Variants in APBA2 observed in about 807,000 individuals in gnomAD.
APBA2 encodes amyloid-beta A4 precursor protein-binding family A member 2.
A neutral mutation model predicts 75.0 loss-of-function variants in APBA2; 30 were observed. That is an observed-to-expected ratio of 0.40 (90% CI 0.30 to 0.54). The LOEUF (loss-of-function observed/expected upper bound fraction) is 0.54. APBA2 is among the 20% of genes least tolerant of loss of function. The pLI is 0.49. For missense variants in APBA2, 801 were observed against 1,016.1 expected (o/e 0.79, Z 2.88); for synonymous variants, 444 against 409.6 (o/e 1.08, Z -1.01).
intron 2 of APBA2, among the ~76,000 whole-genome samples, chr15:28,943,123 C>A (rs2035330275): frequency 6.6e-6 from 1 of 152,202 alleles, no homozygotes; most frequent in Admixed American, 6.5e-5. Flanking sequence ...GAGACAGTGG[C>A]CTTCTACCTG....
intron 3 of APBA2, among the ~76,000 whole-genome samples, chr15:29,029,910 A>G (rs2152842438): frequency 6.6e-6 from 1 of 152,288 alleles, no homozygotes; most frequent in Non-Finnish European, 1.5e-5. Context: ...GGTGCCGGAC[A>G]TGCAGAAGGA....
chr15:28,952,579 A>G (rs558507363), intron 2 of APBA2, among the ~76,000 whole-genome samples: 1 of 152,314 alleles, frequency 6.6e-6, no homozygotes, highest in East Asian at 1.9e-4. Context: ...TAAGACATGT[A>G]CAAATATGAT....
At chr15:29,033,274 C>T (rs985021738) in intron 3 of APBA2, among the ~76,000 whole-genome samples, 2 of 152,186 alleles carry the variant, frequency 1.3e-5, no homozygotes, top group African/African-American at 4.8e-5. Context: ...GCACCTGACA[C>T]CTCTTCTTGA....
rs142428210 is a variant in APBA2 at position 29,102,152 on chromosome 15, A to C, written c.1524+368A>C. 8.9e-3 allele frequency: 3,371 copies of C among 380,164 alleles called. 35 individuals carry two copies. The highest frequency in any genetic ancestry group is 0.011 in the Non-Finnish European group (2,168 of 202,052). 23.5% of individuals were successfully genotyped at this position (380,164 alleles called of 1,614,324 possible). On this transcript the variant is annotated intron_variant, in intron 10 of 14. Transcript: ENST00000683413. ...CATGGCCCTGGCATGCTGTATAAAGAAAGCACATCTGCACATGAGGCTTAG... is the reference window on the plus strand; with the variant it reads ...CATGGCCCTGGCATGCTGTATAAAGCAAGCACATCTGCACATGAGGCTTAG...
intron 3 of APBA2, among the ~76,000 whole-genome samples, chr15:29,006,820 CA>C (rs2152808956): frequency 6.6e-6 from 1 of 152,278 alleles, no homozygotes; most frequent in African/African-American, 2.4e-5. Flanking sequence ...GGGACATAGC[CA>C]AACTATGTCA....
chr15:29,026,943 C>A (rs922008143), intron 3 of APBA2, among the ~76,000 whole-genome samples: 1 of 151,960 alleles, frequency 6.6e-6, no homozygotes, highest in African/African-American at 2.4e-5. Flanking sequence ...ACAAAAAAAA[C>A]CAAATCCTTA....
At chr15:28,973,027 A>C (rs2037149905) in intron 2 of APBA2, among the ~76,000 whole-genome samples, 1 of 152,244 alleles carries the variant, frequency 6.6e-6, no homozygotes, top group Admixed American at 6.5e-5. Flanking sequence ...GAGAACTCCC[A>C]AGTATACGAT....
rs529103834 is a variant in APBA2, at chr15:28,968,548, G to A, written c.-94-27205G>A. On this transcript the variant is annotated intron_variant, in intron 2 of 14. Coordinates refer to ENST00000683413, the MANE Select transcript of APBA2 (RefSeq NM_001353788.2). ...CAGTACCTTTGCTGGACTTGGTTCC[G>A]TCTCTTTCGCAGGATTAGAGGAAGT... is the stretch of plus-strand genomic sequence containing the variant. Among the ~76,000 whole-genome samples the A allele has an allele frequency of 3.9e-5, 6 of 152,216 alleles. No homozygotes were observed. The South Asian group carries it at 6.2e-4, about 16-fold the overall frequency.
At chr15:28,938,798 C>T (rs763856323) in intron 2 of APBA2, among the ~76,000 whole-genome samples, 4 of 152,144 alleles carry the variant, frequency 2.6e-5, no homozygotes, top group Non-Finnish European at 5.9e-5. Flanking sequence ...CATGAGCCAC[C>T]GCACCTGGCC....
intron 1 of APBA2, among the ~76,000 whole-genome samples, chr15:28,919,792 A>G (rs1216587525): frequency 6.6e-6 from 1 of 152,184 alleles, no homozygotes; most frequent in Non-Finnish European, 1.5e-5. Flanking sequence ...ATCCTGATCC[A>G]TATTGATGTG....
chr15:28,993,784 A>G (rs2038363262), intron 2 of APBA2, among the ~76,000 whole-genome samples: 1 of 152,118 alleles, frequency 6.6e-6, no homozygotes, highest in Admixed American at 6.5e-5. Context: ...GGCGATGGGC[A>G]GGTCTCCTAG....
chr15:29,012,172 T>G (rs958752506), intron 3 of APBA2, among the ~76,000 whole-genome samples: 6 of 152,204 alleles, frequency 3.9e-5, no homozygotes, highest in African/African-American at 1.4e-4. Context: ...TTTTCTTAGT[T>G]TTTATCAAAT....
At chr15:28,903,320 G>A (rs768431316) in intron 1 of APBA2, among the ~76,000 whole-genome samples, 8 of 152,164 alleles carry the variant, frequency 5.3e-5, no homozygotes, top group Non-Finnish European at 1.0e-4. Flanking sequence ...TTGTAAGTGC[G>A]GTTGACCGTC....
chr15:28,941,871 C>T (rs1320363637), intron 2 of APBA2, among the ~76,000 whole-genome samples: 1 of 152,250 alleles, frequency 6.6e-6, no homozygotes, highest in African/African-American at 2.4e-5. Flanking sequence ...ATTCTCCTGC[C>T]TCAGCCTCCC....
Position 29,117,373 on chromosome 15 carries a change from C to T in APBA2, c.*240C>T. The stretch of plus-strand genomic sequence containing the variant: ...TTTGTAAAGCGTTCCAAGTATTTTG[C>T]CACGTTCTGGACTGTCTTCTCCCTG... On this transcript the variant is annotated 3_prime_UTR_variant, in exon 15 of 15. Coordinates refer to ENST00000683413, the MANE Select transcript of APBA2 (RefSeq NM_001353788.2). 1.7e-6 allele frequency: 1 copy of T among 581,944 alleles called. No individual in the cohort carries two copies. The highest frequency in any genetic ancestry group is 3.1e-6 in the Non-Finnish European group (1 of 325,262). The allele number at this position is 581,944 out of a possible 1,614,324, so 36.0% of individuals were successfully genotyped here.
intron 1 of APBA2, among the ~76,000 whole-genome samples, chr15:28,902,101 C>T (rs964784503): frequency 1.6e-4 from 24 of 151,968 alleles, no homozygotes; most frequent in Middle Eastern, 3.2e-3. Flanking sequence ...TTTCCATCCT[C>T]GCTCCTCCAA....
chr15:29,107,024 C>A (rs1227824948), intron 12 of APBA2, among the ~76,000 whole-genome samples: 1 of 152,106 alleles, frequency 6.6e-6, no homozygotes, highest in Non-Finnish European at 1.5e-5. Flanking sequence ...AGAGGTGGAC[C>A]CGGGCTGGCC....
At chr15:28,960,711 C>G (rs1469233829) in intron 2 of APBA2, among the ~76,000 whole-genome samples, 1 of 151,380 alleles carries the variant, frequency 6.6e-6, no homozygotes, top group Non-Finnish European at 1.5e-5. Context: ...ATCATGTGGA[C>G]CAGGATTCAG....
intron 4 of APBA2, among the ~76,000 whole-genome samples, chr15:29,063,451 C>T (rs1173870965): frequency 3.7e-4 from 39 of 105,508 alleles, no homozygotes; most frequent in African/African-American, 1.3e-3. Context: ...TGGTCAGTGT[C>T]TGTATGGGTG....
Sources: gnomAD v4.1 joint callset for allele counts (sites outside exome capture counted in the v4.1 genomes callset) on GRCh38, gnomAD v4.1.1 for gene constraint, MANE v1.5 for transcripts, NCBI Gene and HGNC (gene_info 2026-07-23, HGNC 2026-07-21) for gene names.